The following KMT2A variants were observed in gnomAD, a reference collection of about 807,000 sequenced individuals.
KMT2A encodes the protein histone-lysine N-methyltransferase 2A.
Under a neutral mutation model 345.3 loss-of-function variants are expected in KMT2A, and 16 were observed. That is an observed-to-expected ratio of 0.05 (90% CI 0.03 to 0.07). The LOEUF (loss-of-function observed/expected upper bound fraction) is 0.07, where lower values mean the gene tolerates loss of function less well. Among genes scored for constraint, KMT2A ranks in the 10% least tolerant of loss-of-function variants. The probability of loss-of-function intolerance (pLI) is 1.00; values close to 1 mark genes in which losing one functional copy is unlikely to be tolerated. For missense variants in KMT2A, 3,272 were observed against 4,841.6 expected, an observed-to-expected ratio of 0.68 and a Z score of 9.62; for synonymous variants, 1,599 against 1,778.6, an observed-to-expected ratio of 0.90 and a Z score of 2.54.
chr11:118,458,074 C>G lies in KMT2A; in HGVS notation c.433-10701C>G, dbSNP rs901207181. On this transcript the variant is annotated intron_variant, in intron 1 of 35. Coordinates refer to ENST00000534358, the MANE Select transcript of KMT2A (RefSeq NM_001197104.2). ...TATGCATTTTTTTTTGAGATGCTTT[C>G]AAATTTATTTTATTTTGGTTTATTT... The G allele has an allele frequency of 2.5e-5, 7 of 276,568 alleles. No individual in the cohort carries two copies. In the East Asian group the frequency reaches 8.0e-4, roughly 32 times the overall value. 17.1% of individuals were successfully genotyped at this position (276,568 alleles called of 1,614,324 possible). A position where few individuals can be genotyped will look rare whatever the true frequency, so the allele number is the denominator to read the frequency against.
intron 8 of KMT2A, among the ~76,000 whole-genome samples, chr11:118,483,113 A>C (rs1374055323): frequency 6.6e-6 from 1 of 151,644 alleles, no homozygotes; most frequent in African/African-American, 2.4e-5. Flanking sequence ...GGTGCTTGTA[A>C]TCCTAGCTAC....
intron 11 of KMT2A, 69 bp downstream of exon 11, chr11:118,488,829 C>G: frequency 6.9e-7 from 1 of 1,458,044 alleles, no homozygotes; most frequent in South Asian, 1.2e-5. Context: ...CTGGACTCAA[C>G]CAACCTTGGA....
intron 29 of KMT2A, among the ~76,000 whole-genome samples, 182 bp from the exon 30 acceptor site, chr11:118,509,766 A>G (rs1268876291): frequency 1.3e-5 from 2 of 152,142 alleles, no homozygotes; most frequent in African/African-American, 2.4e-5. Flanking sequence ...TTTAGTCACC[A>G]CTTTCTAGCA....
intron 31 of KMT2A, among the ~76,000 whole-genome samples, chr11:118,517,099 A>G (rs1478282364): frequency 3.3e-5 from 5 of 152,146 alleles, no homozygotes; most frequent in Admixed American, 2.0e-4. Context: ...AGTGGTCTGT[A>G]GAAAAGAGTT....
At chr11:118,455,593 T>C (rs1555030533) in intron 1 of KMT2A, among the ~76,000 whole-genome samples, 1 of 152,190 alleles carries the variant, frequency 6.6e-6, no homozygotes, top group Non-Finnish European at 1.5e-5. Flanking sequence ...CTACCCCTTT[T>C]CAGCCTAATC....
In KMT2A at chr11:118,506,242, C is replaced by T. The variant is rs781903452; in HGVS notation, c.10350C>T (p.Asp3450=). The T allele has an allele frequency of 1.9e-6, 3 of 1,614,160 alleles. No individual in the cohort carries two copies. Among genetic ancestry groups the T allele is most frequent in the East Asian group, 2.2e-5 (1 of 44,882 alleles). The change falls in exon 27 of 36, where the codon GAC becomes GAT. Residue 3450 remains aspartate (D), a synonymous_variant. Transcript: ENST00000534358. ...ITAASPSGEA[D]EHYQLQHVNQ... Reference sequence around the variant, plus strand: ...CCGCTTCACCTTCTGGGGAAGCAGACGAACACTATCAGCTTCAGCATGTGA... The same window carrying T: ...CCGCTTCACCTTCTGGGGAAGCAGATGAACACTATCAGCTTCAGCATGTGA...
At chr11:118,507,265 C>T (rs1555048790) in intron 27 of KMT2A, among the ~76,000 whole-genome samples, 1 of 152,134 alleles carries the variant, frequency 6.6e-6, no homozygotes, top group Non-Finnish European at 1.5e-5. Flanking sequence ...TCACTGCACT[C>T]CAGCCTAGGT....
At chr11:118,517,484 A>G (rs567141219) in intron 31 of KMT2A, among the ~76,000 whole-genome samples, 4 of 152,258 alleles carry the variant, frequency 2.6e-5, no homozygotes, top group South Asian at 4.1e-4. Flanking sequence ...GTTGTGTTAC[A>G]TAGTGTTACA....
rs1240507725 is a variant in KMT2A at position 118,522,960 on chromosome 11, A to C, written c.*788A>C. ...TTCTTTCGGGTTGTAGGGGAGACTG[A>C]CTGCCTGCTCAAGGACACTCCCTGC... On this transcript the variant is annotated 3_prime_UTR_variant, in exon 36 of 36. Coordinates refer to ENST00000534358, the MANE Select transcript of KMT2A (RefSeq NM_001197104.2). The surrounding 1 kb of genome is among the most constrained non-coding windows in gnomAD (Gnocchi z 5.4). 8 of 225,336 alleles carry C rather than the reference A, an allele frequency of 3.6e-5. No individual in the cohort carries two copies. The East Asian group carries it at 5.1e-4, about 14-fold the overall frequency. The allele number at this position is 225,336 out of a possible 1,614,324, so 14.0% of individuals were successfully genotyped here.
chr11:118,437,426 TG>T (rs1409511248), intron 1 of KMT2A, among the ~76,000 whole-genome samples: 29 of 152,006 alleles, frequency 1.9e-4, no homozygotes, highest in Non-Finnish European at 2.5e-4. Flanking sequence ...TCCTGGCCCT[TG>T]GGGATCGTGT....
chr11:118,522,944 G>A lies in KMT2A; in HGVS notation c.*772G>A, dbSNP rs1453168803. ...CACTGCTTTCCCATGCTTCTTTCGG[G>A]TTGTAGGGGAGACTGACTGCCTGCT... On this transcript the variant is annotated 3_prime_UTR_variant, in exon 36 of 36. Transcript: ENST00000534358. The surrounding 1 kb of genome is among the most constrained non-coding windows in gnomAD (Gnocchi z 5.4). The A allele has an allele frequency of 1.3e-5, 3 of 226,286 alleles. No homozygotes were observed. Among genetic ancestry groups the A allele is most frequent in the Middle Eastern group, 1.3e-3 (1 of 780 alleles). 14.0% of individuals were successfully genotyped at this position (226,286 alleles called of 1,614,324 possible). A position where few individuals can be genotyped will look rare whatever the true frequency, so the allele number is the denominator to read the frequency against.
Position 118,484,198 on chromosome 11 carries a change from G to C in KMT2A, c.4102G>C (p.Val1368Leu), listed in dbSNP as rs782465551. 3.7e-6 allele frequency: 6 copies of C among 1,614,046 alleles called. No individual in the cohort carries two copies. Among genetic ancestry groups the C allele is most frequent in the Non-Finnish European group, 5.1e-6 (6 of 1,180,014 alleles). The change falls in exon 9 of 36, where the codon GTC (valine) becomes CTC (leucine). Residue 1368 changes from valine (V) to leucine (L), a missense_variant. Around this residue, in one of 27 missense-constraint regions of KMT2A, gnomAD observed 168 missense variants for 216.0 expected, o/e 0.78. Coordinates refer to ENST00000534358, the MANE Select transcript of KMT2A (RefSeq NM_001197104.2). This position sits in a 1 kb window ranked among gnomAD's most constrained non-coding sequence, Gnocchi z 4.1. ...GTCTCCTTAGGAAAAACCACCTCCG[G>C]TCAATAAGCAGGAGAATGCAGGCAC... Reference protein sequence around the residue: ...KPKEKEKPPPVNKQENAGTLN... With the variant: ...KPKEKEKPPPLNKQENAGTLN...
chr11:118,471,807 A>T lies in KMT2A; in HGVS notation c.648A>T (p.Lys216Asn). ...SGDKIKKKDS[K>N]SIEKKRGRPP... ...ATAAGATCAAGAAGAAAGATTCTAA[A>T]AGTATAGAAAAGAAGAGAGGAAGAC... Residue 216 changes from lysine to asparagine, a missense_variant, in exon 3 of 36, where the codon AAA becomes AAT. By Grantham distance (94) the Lys-to-Asn change is moderately conservative (BLOSUM62 0). This residue lies in a region of KMT2A where 412 missense variants were observed against 511.0 expected (regional missense o/e 0.81). Coordinates refer to ENST00000534358, the MANE Select transcript of KMT2A (RefSeq NM_001197104.2). 1 of 1,613,416 alleles carries T rather than the reference A, an allele frequency of 6.2e-7. No homozygotes were observed. The highest frequency in any genetic ancestry group is 8.5e-7 in the Non-Finnish European group (1 of 1,179,750).
rs757370068 is a variant in KMT2A, at chr11:118,501,737, C to T, written c.6385C>T (p.Pro2129Ser). Residue 2129 changes from proline (P) to serine (S), a missense_variant, in exon 26 of 36, where the codon CCT (proline) becomes TCT (serine). By Grantham distance (74) the Pro-to-Ser change is moderately conservative. Around this residue, in one of 27 missense-constraint regions of KMT2A, gnomAD observed 66 missense variants for 73.9 expected, o/e 0.89. Transcript: ENST00000534358. ...AAGTCCTCCATCACCAGACCGACCT[C>T]CTCATTCACAAACCTCTGGCTCCTG... ...IISPPSPDRP[P>S]HSQTSGSCYY... 1 of 1,614,140 alleles carries T rather than the reference C, an allele frequency of 6.2e-7. No individual in the cohort carries two copies. The highest frequency in any genetic ancestry group is 8.5e-7 in the Non-Finnish European group (1 of 1,179,992).
chr11:118,456,842 A>G (rs546008256), intron 1 of KMT2A, among the ~76,000 whole-genome samples: 1 of 152,358 alleles, frequency 6.6e-6, no homozygotes, highest in East Asian at 1.9e-4. Flanking sequence ...GATGTCTAAA[A>G]TGATCTCTCT....
chr11:118,493,026 G>A lies in KMT2A; in HGVS notation c.5005-31G>A, dbSNP rs200854315. 23 of 1,594,240 alleles carry A rather than the reference G, an allele frequency of 1.4e-5. No homozygotes were observed. The highest frequency in any genetic ancestry group is 1.7e-4 in the Middle Eastern group (1 of 6,006). On this transcript the variant is annotated intron_variant, in intron 15 of 35. Coordinates refer to ENST00000534358, the MANE Select transcript of KMT2A (RefSeq NM_001197104.2). The surrounding 1 kb of genome is among the most constrained non-coding windows in gnomAD (Gnocchi z 5.8). Reference sequence around the variant, plus strand: ...CATGGACACCTTGGTTTTAGTGTTAGATAAAAGCAACATATCTTTCCTGGC... The same window carrying A: ...CATGGACACCTTGGTTTTAGTGTTAAATAAAAGCAACATATCTTTCCTGGC...
intron 1 of KMT2A, chr11:118,447,792 A>G (rs1229515292): frequency 3.8e-6 from 1 of 260,200 alleles, no homozygotes; most frequent in African/African-American, 2.3e-5. Flanking sequence ...ATTATTAGGA[A>G]TGGTAACCAG....
Position 118,499,264 on chromosome 11 carries a change from G to A in KMT2A, c.5962-39G>A, listed in dbSNP as rs142941582. On this transcript the variant is annotated intron_variant, in intron 22 of 35. Coordinates refer to ENST00000534358, the MANE Select transcript of KMT2A (RefSeq NM_001197104.2). ...CAGGATCATAAGTATAATGTGCAAA[G>A]GGACAGCCTATTAACAGCTACCATG... is the stretch of plus-strand genomic sequence containing the variant. 919 of 1,249,908 alleles carry A rather than the reference G, an allele frequency of 7.4e-4. 7 individuals carry two copies. Among genetic ancestry groups the A allele is most frequent in the East Asian group, 6.1e-3 (263 of 43,260 alleles). The allele number at this position is 1,249,908 out of a possible 1,614,324, so 77.4% of individuals were successfully genotyped here. A position where few individuals can be genotyped will look rare whatever the true frequency, so the allele number is the denominator to read the frequency against.
In KMT2A at chr11:118,477,498, C is replaced by CTTTTTT. The variant is rs11430367; in HGVS notation, c.3335-447_3335-442dup. On this transcript the variant is annotated intron_variant, in intron 4 of 35. Coordinates refer to ENST00000534358, the MANE Select transcript of KMT2A (RefSeq NM_001197104.2). ...CTTTCATCAAGATGCAAGTTATTGG[C>CTTTTTT]TTTTTTTTTTTTTTTTTTTTTTTTT... Among the ~76,000 whole-genome samples the CTTTTTT allele has an allele frequency of 6.8e-4, 39 of 56,944 alleles. 12 individuals are homozygous for CTTTTTT. Among genetic ancestry groups the CTTTTTT allele is most frequent in the African/African-American group, 2.8e-3 (36 of 12,984 alleles). The allele number at this position is 56,944 out of a possible 152,430, so 37.4% of individuals were successfully genotyped here.
Sources: allele counts gnomAD v4.1 joint callset (sites outside exome capture counted in the v4.1 genomes callset), GRCh38; gene constraint gnomAD v4.1.1; regional missense constraint gnomAD v4.1.1; non-coding constraint Gnocchi (gnomAD v3.1); transcripts MANE v1.5; gene names NCBI Gene and HGNC (gene_info 2026-07-23, HGNC 2026-07-21).